The following RAD18 variants were observed in gnomAD, a reference collection of about 807,000 sequenced individuals.
RAD18 encodes RAD18 E3 ubiquitin protein ligase, also known as E3 ubiquitin-protein ligase RAD18.
RAD18 carries 47 observed loss-of-function variants against 60.4 expected under a neutral mutation model. The ratio of observed to expected loss-of-function variants is 0.78; its 90% CI spans 0.62 to 0.99. RAD18 has a LOEUF of 0.99. RAD18 is among the 50% of genes least tolerant of loss of function. The pLI, the probability that RAD18 is intolerant of heterozygous loss-of-function variation, is 0.00. For synonymous variants in RAD18, 225 were observed against 195.5 expected (o/e 1.15, Z -1.26); for missense variants, 640 against 593.3 (o/e 1.08, Z -0.82).
intron 2 of RAD18, among the ~76,000 whole-genome samples, chr3:8,956,499 T>G (rs1941011704): frequency 6.6e-6 from 1 of 152,182 alleles, no homozygotes; most frequent in Admixed American, 6.5e-5. Context: ...AATTATTTAT[T>G]TCCAGAATTT....
At chr3:8,931,372 A>C (rs964219926) in intron 7 of RAD18, 1 of 152,234 alleles carries the variant, frequency 6.6e-6, no homozygotes, top group African/African-American at 2.4e-5. Flanking sequence ...AGGCCTAAAG[A>C]GCCATACCAC....
intron 12 of RAD18, among the ~76,000 whole-genome samples, chr3:8,884,525 G>A (rs1001173452): frequency 6.6e-5 from 10 of 151,548 alleles, no homozygotes; most frequent in Non-Finnish European, 8.8e-5. Flanking sequence ...CTCTTTTTAA[G>A]GCTTAAGTTT....
At chr3:8,939,910 A>G (rs1174252084) in intron 5 of RAD18, among the ~76,000 whole-genome samples, 2 of 152,228 alleles carry the variant, frequency 1.3e-5, no homozygotes, top group East Asian at 3.8e-4. Context: ...TAAGCTTGAA[A>G]GTTCATTTAT....
chr3:8,961,557 T>C (rs760825352), intron 1 of RAD18, among the ~76,000 whole-genome samples: 5 of 152,208 alleles, frequency 3.3e-5, no homozygotes, highest in Admixed American at 6.5e-5. Flanking sequence ...ATAAAAGAAG[T>C]AACTTCAGTC....
chr3:8,961,616 G>A (rs561880637), intron 1 of RAD18, among the ~76,000 whole-genome samples: 5 of 152,292 alleles, frequency 3.3e-5, no homozygotes, highest in African/African-American at 7.2e-5. Context: ...AAGAGTTCAA[G>A]CAAAAATTAG....
chr3:8,880,913 G>A lies in RAD18; in HGVS notation c.*444C>T, dbSNP rs45576739. 1,070 of 162,694 alleles carry A rather than the reference G, an allele frequency of 6.6e-3. 8 individuals are homozygous for A. The highest frequency in any genetic ancestry group is 0.024 in the African/African-American group (982 of 41,584). 10.1% of individuals were successfully genotyped at this position (162,694 alleles called of 1,614,324 possible). On this transcript the variant is annotated 3_prime_UTR_variant, in exon 13 of 13. Coordinates refer to ENST00000264926, the MANE Select transcript of RAD18 (RefSeq NM_020165.4). ...CACCAAGGATGTGAACTGACATCCC[G>A]CCTTTCCAAAAACAAACATTTAACT...
intron 9 of RAD18, among the ~76,000 whole-genome samples, chr3:8,907,491 C>G (rs1940031051): frequency 6.6e-6 from 1 of 152,172 alleles, no homozygotes; most frequent in African/African-American, 2.4e-5. Flanking sequence ...GTGAAAACAG[C>G]TGACCCCATC....
chr3:8,913,086 A>AC (rs2125055173), intron 8 of RAD18, among the ~76,000 whole-genome samples: 1 of 152,250 alleles, frequency 6.6e-6, no homozygotes, highest in Non-Finnish European at 1.5e-5. Context: ...CTCCAGTGTC[A>AC]CAGGACACAA....
intron 7 of RAD18, among the ~76,000 whole-genome samples, chr3:8,918,557 G>A (rs13085230): frequency 0.022 from 3,406 of 152,048 alleles, 59 homozygotes; most frequent in Non-Finnish European, 0.032. Flanking sequence ...AAGATGGACT[G>A]GCTAAGATCT....
chr3:8,950,954 T>A (rs1245644319), intron 2 of RAD18, among the ~76,000 whole-genome samples: 1 of 151,332 alleles, frequency 6.6e-6, no homozygotes. Flanking sequence ...AATGGAAACC[T>A]CCAAAACTGA....
intron 4 of RAD18, among the ~76,000 whole-genome samples, chr3:8,942,429 G>T (rs960485953): frequency 6.6e-6 from 1 of 152,124 alleles, no homozygotes; most frequent in Non-Finnish European, 1.5e-5. Flanking sequence ...AGAACCATGA[G>T]CCAATTAAAC....
rs45484492 is a variant in RAD18 at position 8,900,730 on chromosome 3, G to T, written c.1168+1650C>A. ...TGTTCTAAAGAGCAACAATTATATTGGTTGTATGATGCTATACAAAATCCA... is the reference window on the plus strand; with the variant it reads ...TGTTCTAAAGAGCAACAATTATATTTGTTGTATGATGCTATACAAAATCCA... On this transcript the variant is annotated intron_variant, in intron 10 of 12. Transcript: ENST00000264926. Among the ~76,000 whole-genome samples the T allele has an allele frequency of 2.7e-4, 41 of 152,244 alleles. No homozygotes were observed. The East Asian group carries it at 7.7e-3, about 29-fold the overall frequency.
At chr3:8,959,692 G>A (rs148816309) in intron 1 of RAD18, among the ~76,000 whole-genome samples, 236 of 152,276 alleles carry the variant, frequency 1.5e-3, no homozygotes, top group Non-Finnish European at 2.4e-3. Flanking sequence ...AAACAGGAAC[G>A]GAACTACTCT....
At chr3:8,906,696 ATTT>A (rs56371827) in intron 9 of RAD18, among the ~76,000 whole-genome samples, 24 of 146,804 alleles carry the variant, frequency 1.6e-4, no homozygotes, top group Admixed American at 2.7e-4. Context: ...CGTTTTCTAG[ATTT>A]TTTTTTTTTT....
intron 9 of RAD18, among the ~76,000 whole-genome samples, chr3:8,903,025 CAA>C (rs1311166634): frequency 8.0e-6 from 1 of 124,512 alleles, no homozygotes. Flanking sequence ...GACTCTGTCT[CAA>C]AAAAAAAAAA....
intron 2 of RAD18, among the ~76,000 whole-genome samples, chr3:8,949,673 G>A (rs1940897880): frequency 1.3e-5 from 2 of 149,302 alleles, no homozygotes; most frequent in African/African-American, 5.1e-5. Context: ...TGGAGAGAGA[G>A]AGGGGGGTAA....
intron 11 of RAD18, among the ~76,000 whole-genome samples, chr3:8,890,724 A>C (rs1339990847): frequency 6.6e-6 from 1 of 152,148 alleles, no homozygotes; most frequent in Non-Finnish European, 1.5e-5. Context: ...AGGGAGGCTG[A>C]GATTCCCTGC....
At chr3:8,915,240 G>A (rs1198170455) in intron 7 of RAD18, among the ~76,000 whole-genome samples, 2 of 151,794 alleles carry the variant, frequency 1.3e-5, no homozygotes, top group African/African-American at 2.4e-5. Flanking sequence ...TGTTTAGGTT[G>A]TAGAGAGCTA....
intron 10 of RAD18, 138 bp downstream of exon 10, chr3:8,902,242 A>G (rs765183657): frequency 1.3e-6 from 1 of 763,942 alleles, no homozygotes; most frequent in East Asian, 3.3e-5. Flanking sequence ...AAACTGCTAC[A>G]TGAAGTTTGT....
Sources: allele counts gnomAD v4.1 joint callset (sites outside exome capture counted in the v4.1 genomes callset), GRCh38; gene constraint gnomAD v4.1.1; transcripts MANE v1.5; gene names NCBI Gene and HGNC (gene_info 2026-07-23, HGNC 2026-07-21).